Variants in CACNA1H observed in about 807,000 individuals in gnomAD.
The protein encoded by CACNA1H is calcium voltage-gated channel subunit alpha1 H, also known as voltage-dependent T-type calcium channel subunit alpha-1H.
Under a neutral mutation model 192.5 loss-of-function variants are expected in CACNA1H, and 149 were observed. That is an observed-to-expected ratio of 0.77 (90% CI 0.68 to 0.89). CACNA1H has a LOEUF of 0.89. Ranked by LOEUF, CACNA1H falls within the 40% of genes least tolerant of loss-of-function variation. The pLI, the probability that CACNA1H is intolerant of heterozygous loss-of-function variation, is 0.00. For synonymous variants in CACNA1H, 2,202 were observed against 1,475.2 expected (o/e 1.49, Z -11.29); for missense variants, 4,257 against 3,423.5 (o/e 1.24, Z -6.08).
chr16:1,177,628 C>G (rs1295174191), intron 2 of CACNA1H, among the ~76,000 whole-genome samples: 1 of 151,992 alleles, frequency 6.6e-6, no homozygotes, highest in Non-Finnish European at 1.5e-5. Context: ...GACAGAAATT[C>G]TGAGGACGTG....
At position 1,215,098 on chromosome 16, in the gene CACNA1H, C is replaced by A. The variant is rs201391366; in HGVS notation, c.5039+17C>A. On this transcript the variant is annotated intron_variant, in intron 28 of 34. Transcript: ENST00000348261. ...CAAGGACAGGTGTGTGTGGTGGGGCCGTCTTGGGTTCTGGGGGCCCCTCAG... is the reference window on the plus strand; with the variant it reads ...CAAGGACAGGTGTGTGTGGTGGGGCAGTCTTGGGTTCTGGGGGCCCCTCAG... 5.6e-6 allele frequency: 9 copies of A among 1,602,854 alleles called. 1 individual carries two copies. The South Asian group carries it at 8.9e-5, about 16-fold the overall frequency.
intron 33 of CACNA1H, 53 bp from the exon 34 acceptor site, chr16:1,218,917 C>T (rs1158950212): frequency 1.2e-5 from 18 of 1,535,396 alleles, no homozygotes; most frequent in Non-Finnish European, 1.5e-5. Context: ...TGGGTGGCAG[C>T]TGGGCAGGAA....
chr16:1,194,586 A>G (rs1966844487), intron 2 of CACNA1H, among the ~76,000 whole-genome samples: 1 of 152,114 alleles, frequency 6.6e-6, no homozygotes, highest in African/African-American at 2.4e-5. Flanking sequence ...ACAGCCCCCC[A>G]GCGCGGGAGC....
In CACNA1H at chr16:1,212,121, T is replaced by G. The variant is rs763158238; in HGVS notation, c.4742T>G (p.Leu1581Arg). 6.2e-7 allele frequency: 1 copy of G among 1,607,264 alleles called. No individual in the cohort carries two copies. The highest frequency in any genetic ancestry group is 1.1e-5 in the South Asian group (1 of 90,964). ...CGAGAGGAGAAGCGGCTGCGGCGCC[T>G]AGAGAGGAGGCGCAGGAGTAAGGCG... ...RRREEKRLRR[L>R]ERRRRSTFPS... The change falls in exon 25 of 35, where the codon CTA (leucine) becomes CGA (arginine). Residue 1581 changes from leucine (L) to arginine (R), a missense_variant. Leu to Arg is a moderately radical substitution (Grantham distance 102). Transcript: ENST00000348261.
At position 1,153,751 on chromosome 16, in the gene CACNA1H, C is replaced by A; in HGVS notation, c.14C>A (p.Ala5Glu). 8.2e-7 allele frequency: 1 copy of A among 1,212,908 alleles called. No homozygotes were observed. The highest frequency in any genetic ancestry group is 1.0e-6 in the Non-Finnish European group (1 of 975,828). The allele number at this position is 1,212,908 out of a possible 1,614,324, so 75.1% of individuals were successfully genotyped here. Residue 5 changes from alanine (A) to glutamate (E), a missense_variant, in exon 2 of 35, where the codon GCA (alanine) becomes GAA (glutamate). Ala to Glu is a moderately radical substitution (Grantham distance 107). Coordinates refer to ENST00000348261, the MANE Select transcript of CACNA1H (RefSeq NM_021098.3). ...CCGGCCGCCACCATGACCGAGGGCG[C>A]ACGGGCCGCCGACGAGGTCCGGGTG... MTEG[A>E]RAADEVRVPL...
chr16:1,194,940 G>A (rs1455530533), intron 2 of CACNA1H, 32 bp from the exon 3 acceptor site: 3 of 1,531,152 alleles, frequency 2.0e-6, no homozygotes, highest in Non-Finnish European at 1.8e-6. Context: ...GTCCCGGGCC[G>A]CGCCGGTGTG....
At chr16:1,213,979 GT>G in intron 27 of CACNA1H, 48 bp downstream of exon 27, 1 of 1,528,720 alleles carries the variant, frequency 6.5e-7, no homozygotes, top group African/African-American at 1.4e-5. Flanking sequence ...GGCACCCCCA[GT>G]GGGGCAGCCA....
rs748210497 is a variant in CACNA1H, at chr16:1,202,219, G to A, written c.1769G>A (p.Arg590Gln). Residue 590 changes from arginine (R) to glutamine (Q), a missense_variant, in exon 9 of 35, where the codon CGG becomes CAG. Coordinates refer to ENST00000348261, the MANE Select transcript of CACNA1H (RefSeq NM_021098.3). ...ATAGAGGGGCCGCAGGAGAGGGCCCGGGTGGCACATGCCGCAGCCACTGCC... is the reference window on the plus strand; with the variant it reads ...ATAGAGGGGCCGCAGGAGAGGGCCCAGGTGGCACATGCCGCAGCCACTGCC... ...CHIEGPQERA[R>Q]VAHAAATAAA... 113 of 1,554,438 alleles carry A rather than the reference G, an allele frequency of 7.3e-5. No individual in the cohort carries two copies. Among genetic ancestry groups the A allele is most frequent in the Admixed American group, 1.9e-4 (10 of 51,470 alleles).
chr16:1,211,078 C>T lies in CACNA1H; in HGVS notation c.4224-90C>T, dbSNP rs545634430. 599 of 1,560,864 alleles carry T rather than the reference C, an allele frequency of 3.8e-4. 2 individuals are homozygous for T. The African/African-American group carries it at 3.9e-3, about 10-fold the overall frequency. On this transcript the variant is annotated intron_variant, in intron 21 of 34. Transcript: ENST00000348261. ...CTGGGCTGTTCGCAGGCCGCCCACT[C>T]GGCCCCACCTTGGGACCTTTGCTGA... is the stretch of plus-strand genomic sequence containing the variant.
At position 1,190,144 on chromosome 16, in the gene CACNA1H, G is replaced by A. The variant is rs1038852277; in HGVS notation, c.300-4828G>A. On this transcript the variant is annotated intron_variant, in intron 2 of 34. Coordinates refer to ENST00000348261, the MANE Select transcript of CACNA1H (RefSeq NM_021098.3). ...AGACCACCTCACTGCGCCACTGCCC[G>A]GCCCTTCCCTGGCTGGGTTCCCTGA... Among the ~76,000 whole-genome samples, 10 of 152,328 alleles carry A rather than the reference G, an allele frequency of 6.6e-5. No homozygotes were observed. The East Asian group carries it at 7.7e-4, about 12-fold the overall frequency.
intron 2 of CACNA1H, among the ~76,000 whole-genome samples, chr16:1,191,023 C>T (rs1221570836): frequency 6.7e-6 from 1 of 148,756 alleles, no homozygotes; most frequent in Non-Finnish European, 1.5e-5. Flanking sequence ...GCCTCAGGCA[C>T]ACTCGGGGTC....
chr16:1,186,697 G>A (rs763016590), intron 2 of CACNA1H, among the ~76,000 whole-genome samples: 4 of 152,134 alleles, frequency 2.6e-5, no homozygotes, highest in Non-Finnish European at 5.9e-5. Flanking sequence ...CCCGATGCCC[G>A]TGGCACCACC....
rs371056956 is a variant in CACNA1H, at chr16:1,167,850, G to A, written c.299+13814G>A. Among the ~76,000 whole-genome samples the A allele has an allele frequency of 4.1e-4, 62 of 152,314 alleles. No individual in the cohort carries two copies. In the East Asian group the frequency reaches 5.0e-3, roughly 12 times the overall value. On this transcript the variant is annotated intron_variant, in intron 2 of 34. Coordinates refer to ENST00000348261, the MANE Select transcript of CACNA1H (RefSeq NM_021098.3). The surrounding 1 kb of genome is among the most constrained non-coding windows in gnomAD (Gnocchi z 4.2). ...TGCGAGGTTGGGGCGTGGCCTGGCC[G>A]TCCGTCCGCGGGGCCCGGGCTGCCC...
chr16:1,182,408 G>C (rs7198324), intron 2 of CACNA1H, among the ~76,000 whole-genome samples: 2,595 of 152,286 alleles, frequency 0.017, 74 homozygotes, highest in African/African-American at 0.057. Flanking sequence ...GTGGTGGCCT[G>C]TGGTGGGTGT....
intron 27 of CACNA1H, 113 bp from the exon 28 acceptor site, chr16:1,214,859 C>A (rs1008186639): frequency 1.5e-5 from 11 of 740,064 alleles, no homozygotes; most frequent in African/African-American, 1.0e-4. Context: ...ACTGAGCTGA[C>A]CTGGGAGCCT....
At position 1,180,761 on chromosome 16, in the gene CACNA1H, T is replaced by G. The variant is rs906357912; in HGVS notation, c.300-14211T>G. ...TGGGATGCCGCCGAATAGGGGCCTG[T>G]GGCTCCCACAGGGAGGCCCCTTAGG... On this transcript the variant is annotated intron_variant, in intron 2 of 34. Coordinates refer to ENST00000348261, the MANE Select transcript of CACNA1H (RefSeq NM_021098.3). This position sits in a 1 kb window ranked among gnomAD's most constrained non-coding sequence, Gnocchi z 4.4. Among the ~76,000 whole-genome samples the G allele has an allele frequency of 6.6e-6, 1 of 152,066 alleles. No homozygotes were observed. The highest frequency in any genetic ancestry group is 6.5e-5 in the Admixed American group (1 of 15,278).
In CACNA1H at chr16:1,218,275, C is replaced by T. The variant is rs58819745; in HGVS notation, c.5511C>T (p.Pro1837=). The T allele has an allele frequency of 1.9e-5, 30 of 1,552,156 alleles. No individual in the cohort carries two copies. The highest frequency in any genetic ancestry group is 1.4e-4 in the African/African-American group (10 of 73,092). The change falls in exon 33 of 35, where the codon CCC becomes CCT. Residue 1837 remains proline, a synonymous_variant. Coordinates refer to ENST00000348261, the MANE Select transcript of CACNA1H (RefSeq NM_021098.3). ...HCLSYLPALS[P]VYFVTFVLVA... The stretch of plus-strand genomic sequence containing the variant: ...TGAGCTACCTGCCGGCCCTGTCGCC[C>T]GTCTACTTCGTGACCTTCGTGCTGG...
intron 12 of CACNA1H, 46 bp from the exon 13 acceptor site, chr16:1,206,955 C>G (rs112924632): frequency 3.0e-6 from 2 of 664,674 alleles, no homozygotes. Flanking sequence ...TTCCGCTCAG[C>G]ACACCCCTGC....
chr16:1,220,535 G>C lies in CACNA1H; in HGVS notation c.6603G>C (p.Glu2201Asp), dbSNP rs1970401922. Reference sequence around the variant, plus strand: ...CGGTGGAACCCCCTGCGGAGGACGAGGGCTCTGCGCGGCCCTCCGCGGCAG... The same window carrying C: ...CGGTGGAACCCCCTGCGGAGGACGACGGCTCTGCGCGGCCCTCCGCGGCAG... ...CISVEPPAED[E>D]GSARPSAAEG... Residue 2201 changes from glutamate (E) to aspartate (D), a missense_variant, in exon 35 of 35, where the codon GAG becomes GAC. Physicochemically the swap from Glu to Asp is conservative, Grantham distance 45 (BLOSUM62 2). Coordinates refer to ENST00000348261, the MANE Select transcript of CACNA1H (RefSeq NM_021098.3). 1 of 1,534,540 alleles carries C rather than the reference G, an allele frequency of 6.5e-7. No homozygotes were observed. Among genetic ancestry groups the C allele is most frequent in the Non-Finnish European group, 8.7e-7 (1 of 1,148,362 alleles).
Sources: allele counts gnomAD v4.1 joint callset (sites outside exome capture counted in the v4.1 genomes callset), GRCh38; gene constraint gnomAD v4.1.1; non-coding constraint Gnocchi (gnomAD v3.1); transcripts MANE v1.5; gene names NCBI Gene and HGNC (gene_info 2026-07-23, HGNC 2026-07-21).